Variants in LRRC4C observed in about 807,000 individuals in gnomAD.
The protein encoded by LRRC4C is leucine-rich repeat-containing protein 4C.
Under a neutral mutation model 33.6 loss-of-function variants are expected in LRRC4C, and 5 were observed. The observed-to-expected ratio is 0.15, with a 90% CI of 0.08 to 0.31. LRRC4C has a LOEUF of 0.31. LRRC4C is among the 10% of genes least tolerant of loss of function. LRRC4C has a pLI of 1.00. For synonymous variants in LRRC4C, 329 were observed against 302.0 expected, an observed-to-expected ratio of 1.09 and a Z score of -0.93; for missense variants, 560 against 796.7, an observed-to-expected ratio of 0.70 and a Z score of 3.58.
At chr11:41,031,364 C>T (rs1181247147) in intron 1 of LRRC4C, among the ~76,000 whole-genome samples, 1 of 151,894 alleles carries the variant, frequency 6.6e-6, no homozygotes, top group Non-Finnish European at 1.5e-5. Flanking sequence ...CTCTTATGGG[C>T]ACCCGGTATA....
chr11:40,277,584 G>A (rs11035761), intron 4 of LRRC4C, among the ~76,000 whole-genome samples: 29,404 of 151,822 alleles, frequency 0.19, 3,336 homozygotes, highest in Admixed American at 0.3. Flanking sequence ...ATTAATTAGC[G>A]GTAGTAGTAA....
chr11:40,239,160 A>T (rs903941798), intron 5 of LRRC4C, among the ~76,000 whole-genome samples: 1 of 152,174 alleles, frequency 6.6e-6, no homozygotes, highest in African/African-American at 2.4e-5. Context: ...TTCTTCCTTT[A>T]CAATGTCTTC....
intron 6 of LRRC4C, among the ~76,000 whole-genome samples, chr11:40,127,049 T>C (rs1273384245): frequency 6.6e-6 from 1 of 151,708 alleles, no homozygotes; most frequent in Non-Finnish European, 1.5e-5. Flanking sequence ...GAAGCCAAGG[T>C]GGGCAGATCA....
At chr11:41,075,029 T>TTTTTTTTA (rs1939029143) in intron 1 of LRRC4C, among the ~76,000 whole-genome samples, 2 of 40,868 alleles carry the variant, frequency 4.9e-5, no homozygotes, top group East Asian at 4.4e-4. Context: ...TTTTTTTTTT[T>TTTTTTTTA]TTTTTTTATT....
At chr11:41,177,216 T>A (rs756671504) in intron 1 of LRRC4C, among the ~76,000 whole-genome samples, 2 of 152,162 alleles carry the variant, frequency 1.3e-5, no homozygotes, top group African/African-American at 4.8e-5. Context: ...TAAGAGAGAC[T>A]GAAGACTGAG....
chr11:40,935,914 T>G (rs2136515997), intron 1 of LRRC4C, among the ~76,000 whole-genome samples: 1 of 149,882 alleles, frequency 6.7e-6, no homozygotes, highest in South Asian at 2.1e-4. Context: ...ACTAGAGTAA[T>G]AACACATTCT....
At chr11:41,074,215 C>T (rs1938934601) in intron 1 of LRRC4C, among the ~76,000 whole-genome samples, 1 of 151,946 alleles carries the variant, frequency 6.6e-6, no homozygotes, top group South Asian at 2.1e-4. Context: ...AAGAATACAC[C>T]ACTTCTTTAA....
chr11:41,282,507 G>T (rs943985582), intron 1 of LRRC4C, among the ~76,000 whole-genome samples: 1 of 152,138 alleles, frequency 6.6e-6, no homozygotes, highest in Admixed American at 6.6e-5. Flanking sequence ...CCAGAATCTG[G>T]ACTGCTACCA....
At chr11:41,135,078 G>C (rs1206231311) in intron 1 of LRRC4C, among the ~76,000 whole-genome samples, 2 of 151,342 alleles carry the variant, frequency 1.3e-5, no homozygotes, top group African/African-American at 4.9e-5. Context: ...ACACACACAG[G>C]CCTGACTAAA....
intron 3 of LRRC4C, among the ~76,000 whole-genome samples, chr11:40,397,227 A>C (rs1184318984): frequency 2.6e-5 from 4 of 152,100 alleles, no homozygotes; most frequent in Non-Finnish European, 4.4e-5. Flanking sequence ...TTCGTCTTCT[A>C]ATCTGTGTGA....
intron 2 of LRRC4C, among the ~76,000 whole-genome samples, chr11:40,892,667 T>G (rs1028944344): frequency 6.6e-6 from 1 of 152,208 alleles, no homozygotes; most frequent in African/African-American, 2.4e-5. Context: ...AACATTATGC[T>G]TAGTGAAATA....
At chr11:40,457,103 GAA>G (rs74671900) in intron 3 of LRRC4C, among the ~76,000 whole-genome samples, 5,985 of 78,926 alleles carry the variant, frequency 0.076, 401 homozygotes, top group African/African-American at 0.22. Flanking sequence ...TCTTAAAAAA[GAA>G]AAAAAAAAAA....
At chr11:40,577,624 T>C (rs1350476695) in intron 3 of LRRC4C, among the ~76,000 whole-genome samples, 3 of 152,064 alleles carry the variant, frequency 2.0e-5, no homozygotes, top group African/African-American at 7.2e-5. Flanking sequence ...GAAATGCTAC[T>C]GGCATCAAGT....
chr11:41,165,386 A>C lies in LRRC4C; in HGVS notation c.-495-231663T>G, dbSNP rs925060831. ...TGTTGCTCTGTGAAGAATTTCACAG[A>C]GTTTTCTCTCAGAAAACTCAAATGT... is the stretch of plus-strand genomic sequence containing the variant. On this transcript the variant is annotated intron_variant, in intron 1 of 6. Coordinates refer to ENST00000528697, the MANE Select transcript of LRRC4C (RefSeq NM_001258419.2). 2.0e-4 allele frequency among the ~76,000 whole-genome samples: 30 copies of C among 152,134 alleles called. 1 individual carries two copies. Among genetic ancestry groups the C allele is most frequent in the African/African-American group, 7.2e-4 (30 of 41,430 alleles).
intron 2 of LRRC4C, among the ~76,000 whole-genome samples, chr11:40,824,652 C>A (rs183289736): frequency 6.6e-6 from 1 of 151,954 alleles, no homozygotes; most frequent in Non-Finnish European, 1.5e-5. Flanking sequence ...TCTTCTTAAT[C>A]GAAGTACCCC....
chr11:40,947,608 A>G (rs1427081351), intron 1 of LRRC4C, among the ~76,000 whole-genome samples: 1 of 152,036 alleles, frequency 6.6e-6, no homozygotes, highest in African/African-American at 2.4e-5. Flanking sequence ...AAGCCATACT[A>G]GTTTCCTCAG....
At chr11:41,370,478 G>A (rs530889555) in intron 1 of LRRC4C, among the ~76,000 whole-genome samples, 32 of 152,208 alleles carry the variant, frequency 2.1e-4, no homozygotes, top group African/African-American at 3.1e-4. Flanking sequence ...TACTGCTCTC[G>A]TGGTAGTGAA....
intron 4 of LRRC4C, among the ~76,000 whole-genome samples, chr11:40,260,852 C>G (rs1368187816): frequency 6.6e-6 from 1 of 152,088 alleles, no homozygotes; most frequent in Non-Finnish European, 1.5e-5. Context: ...ATGGCATACA[C>G]AAAATGAATC....
At chr11:40,759,734 CA>C (rs543014402) in intron 2 of LRRC4C, among the ~76,000 whole-genome samples, 1 of 151,798 alleles carries the variant, frequency 6.6e-6, no homozygotes, top group Non-Finnish European at 1.5e-5. Context: ...ATATCATGAA[CA>C]AAATATCAAA....
Sources: allele counts gnomAD v4.1 joint callset (sites outside exome capture counted in the v4.1 genomes callset), GRCh38; gene constraint gnomAD v4.1.1; transcripts MANE v1.5; gene names NCBI Gene and HGNC (gene_info 2026-07-23, HGNC 2026-07-21).